Variants in ANK2 observed in about 807,000 individuals in gnomAD.
ANK2 encodes the protein ankyrin 2.
Under a neutral mutation model 360.5 loss-of-function variants are expected in ANK2, and 83 were observed. The observed-to-expected ratio is 0.23, with a 90% CI of 0.19 to 0.28. ANK2 has a LOEUF of 0.28. Ranked by LOEUF, ANK2 falls within the 10% of genes least tolerant of loss-of-function variation. The probability of loss-of-function intolerance (pLI) is 1.00; values close to 1 mark genes in which losing one functional copy is unlikely to be tolerated. For synonymous variants in ANK2, 1,740 were observed against 1,759.5 expected, an observed-to-expected ratio of 0.99 and a Z score of 0.28; for missense variants, 4,201 against 4,795.7, an observed-to-expected ratio of 0.88 and a Z score of 3.66.
intron 34 of ANK2, among the ~76,000 whole-genome samples, chr4:113,344,651 C>T (rs2094631527): frequency 6.6e-6 from 1 of 152,010 alleles, no homozygotes; most frequent in Non-Finnish European, 1.5e-5. Context: ...GTCCAAAGGT[C>T]CACAAACAAA....
intron 2 of ANK2, among the ~76,000 whole-genome samples, chr4:112,985,112 C>A (rs1167641430): frequency 2.6e-5 from 4 of 152,214 alleles, no homozygotes; most frequent in Non-Finnish European, 5.9e-5. Flanking sequence ...CCTGTATCTG[C>A]TGCTATGAAG....
At chr4:113,167,020 T>A (rs2097774029) in intron 1 of ANK2, among the ~76,000 whole-genome samples, 1 of 152,208 alleles carries the variant, frequency 6.6e-6, no homozygotes, top group Admixed American at 6.5e-5. Flanking sequence ...CAAAACTCTA[T>A]GTATTTAGTA....
In ANK2 at chr4:113,353,635, A is replaced by C; in HGVS notation, c.5017A>C (p.Arg1673=). The change falls in exon 38 of 46, where the codon AGG becomes CGG. Residue 1673 remains arginine (R), a synonymous_variant. Transcript: ENST00000357077. Reference sequence around the variant, plus strand: ...GAAATGTGAGGCTCTGGCTGTTGGCAGGAGCTCTGAAAAGGAAGGGAAAGA... The same window carrying C: ...GAAATGTGAGGCTCTGGCTGTTGGCCGGAGCTCTGAAAAGGAAGGGAAAGA... ...GKKCEALAVG[R]SSEKEGKDIP... is the part of the protein sequence containing the mutation. The C allele has an allele frequency of 6.2e-7, 1 of 1,614,058 alleles. No homozygotes were observed. Among genetic ancestry groups the C allele is most frequent in the Non-Finnish European group, 8.5e-7 (1 of 1,179,972 alleles).
chr4:113,373,955 C>T (rs753712982), intron 45 of ANK2, among the ~76,000 whole-genome samples: 3 of 152,198 alleles, frequency 2.0e-5, no homozygotes, highest in Non-Finnish European at 2.9e-5. Flanking sequence ...GACAGAGTCT[C>T]ACTCTGTCAC....
At chr4:113,243,516 C>T (rs2041147659) in intron 9 of ANK2, among the ~76,000 whole-genome samples, 1 of 152,182 alleles carries the variant, frequency 6.6e-6, no homozygotes, top group East Asian at 1.9e-4. Context: ...GGCTACATCA[C>T]AACACGTGGG....
chr4:112,761,821 C>T, the ANK2 span, among the ~76,000 whole-genome samples: 10 of 152,108 alleles, frequency 6.6e-5, no homozygotes, highest in East Asian at 7.7e-4. Context: ...GCCTTTTTTC[C>T]TCATGTCACT....
the ANK2 span, among the ~76,000 whole-genome samples, chr4:112,777,923 A>G: frequency 6.8e-6 from 1 of 147,470 alleles, no homozygotes; most frequent in African/African-American, 2.5e-5. Context: ...CGGCTCATCT[A>G]TAATCTTATA....
chr4:113,061,359 T>A (rs185140434), intron 1 of ANK2, among the ~76,000 whole-genome samples: 4 of 152,212 alleles, frequency 2.6e-5, no homozygotes, highest in Admixed American at 6.6e-5. Context: ...AGACTAAAGC[T>A]CCTCCCCTGA....
intron 1 of ANK2, among the ~76,000 whole-genome samples, chr4:113,140,533 T>G (rs2096599072): frequency 6.6e-6 from 1 of 152,212 alleles, no homozygotes; most frequent in African/African-American, 2.4e-5. Flanking sequence ...CTTTTTAAAT[T>G]TGTGTGATGT....
chr4:113,025,685 T>C (rs1424386695), intron 2 of ANK2, among the ~76,000 whole-genome samples: 3 of 152,182 alleles, frequency 2.0e-5, no homozygotes, highest in Non-Finnish European at 4.4e-5. Flanking sequence ...GAATGGCTAA[T>C]GAGTACCTCT....
chr4:112,899,611 T>G (rs1176838519), intron 1 of ANK2, among the ~76,000 whole-genome samples: 1 of 152,182 alleles, frequency 6.6e-6, no homozygotes, highest in Non-Finnish European at 1.5e-5. Flanking sequence ...ATTATATTAC[T>G]TCTTCTGCAT....
At chr4:113,237,344 A>T (rs2099391476) in intron 6 of ANK2, among the ~76,000 whole-genome samples, 172 bp downstream of exon 6, 1 of 152,236 alleles carries the variant, frequency 6.6e-6, no homozygotes, top group African/African-American at 2.4e-5. Flanking sequence ...TAAAAAAATT[A>T]AATGCAAGAT....
At chr4:113,052,810 A>G (rs1347660393) in intron 1 of ANK2, among the ~76,000 whole-genome samples, 1 of 152,132 alleles carries the variant, frequency 6.6e-6, no homozygotes, top group Non-Finnish European at 1.5e-5. Flanking sequence ...GCCAGGAAGA[A>G]TGCACAGGAT....
chr4:113,381,528 T>C lies in ANK2; in HGVS notation c.*57T>C. 1 of 1,613,726 alleles carries C rather than the reference T, an allele frequency of 6.2e-7. No individual in the cohort carries two copies. The highest frequency in any genetic ancestry group is 8.5e-7 in the Non-Finnish European group (1 of 1,179,844). On this transcript the variant is annotated 3_prime_UTR_variant, in exon 46 of 46. Coordinates refer to ENST00000357077, the MANE Select transcript of ANK2 (RefSeq NM_001148.6). ...GACCAGCATGGAAAACGCATTGACTTGGAGCACCTGGAGGATGTACCAGAA... is the reference window on the plus strand; with the variant it reads ...GACCAGCATGGAAAACGCATTGACTCGGAGCACCTGGAGGATGTACCAGAA...
In ANK2 at chr4:113,356,078, T is replaced by C. The variant is rs748843151; in HGVS notation, c.7460T>C (p.Phe2487Ser). 2 of 1,614,104 alleles carry C rather than the reference T, an allele frequency of 1.2e-6. No individual in the cohort carries two copies. Among genetic ancestry groups the C allele is most frequent in the South Asian group, 2.2e-5 (2 of 91,078 alleles). ...KMKAGIFPSHFPLPAAVAKTE... is the reference protein window; with the variant it reads ...KMKAGIFPSHSPLPAAVAKTE... ...AAGGCTGGAATTTTTCCAAGTCACT[T>C]TCCTCTTCCTGCAGCTGTTGCCAAA... The change falls in exon 38 of 46, where the codon TTT becomes TCT. Residue 2487 changes from phenylalanine to serine, a missense_variant. Physicochemically the swap from Phe to Ser is radical, Grantham distance 155. Transcript: ENST00000357077.
chr4:113,098,196 GA>G (rs1335429302), intron 1 of ANK2, among the ~76,000 whole-genome samples: 9 of 151,140 alleles, frequency 6.0e-5, no homozygotes, highest in African/African-American at 1.9e-4. Context: ...GCAAACAGAA[GA>G]AAAGAAATAA....
At chr4:112,944,418 A>C (rs2154248980) in intron 2 of ANK2, among the ~76,000 whole-genome samples, 1 of 152,342 alleles carries the variant, frequency 6.6e-6, no homozygotes, top group Admixed American at 6.5e-5. Context: ...ATTTTTAAAA[A>C]TGTAAACAGC....
intron 5 of ANK2, among the ~76,000 whole-genome samples, chr4:113,233,072 T>A (rs528282038): frequency 9.6e-5 from 14 of 146,082 alleles, no homozygotes; most frequent in Non-Finnish European, 1.8e-4. Flanking sequence ...TCTTCTCACC[T>A]GTTTCAACCA....
At chr4:113,141,749 G>C (rs770398618) in intron 1 of ANK2, among the ~76,000 whole-genome samples, 13 of 152,220 alleles carry the variant, frequency 8.5e-5, no homozygotes, top group South Asian at 4.2e-4. Flanking sequence ...TTATTTAAAA[G>C]GTGAAATTTA....
Sources: allele counts gnomAD v4.1 joint callset (sites outside exome capture counted in the v4.1 genomes callset), GRCh38; gene constraint gnomAD v4.1.1; transcripts MANE v1.5; gene names NCBI Gene and HGNC (gene_info 2026-07-23, HGNC 2026-07-21).